Variants in ANKRD30BL observed in about 807,000 individuals in gnomAD.
The protein encoded by ANKRD30BL is ankyrin repeat domain 30B like, also known as putative ankyrin repeat domain-containing protein 30B-like.
A neutral mutation model predicts 18.4 loss-of-function variants in ANKRD30BL; 20 were observed. The observed-to-expected ratio is 1.09, with a 90% CI of 0.77 to 1.58. The LOEUF (loss-of-function observed/expected upper bound fraction) is 1.58. ANKRD30BL is among the 40% of genes most tolerant of loss of function. The pLI is 0.00. For synonymous variants in ANKRD30BL, 72 were observed against 100.9 expected, an observed-to-expected ratio of 0.71 and a Z score of 1.72; for missense variants, 224 against 268.6, an observed-to-expected ratio of 0.83 and a Z score of 1.16.
At chr2:132,237,094 G>C (rs886231371) in intron 1 of ANKRD30BL, among the ~76,000 whole-genome samples, 1 of 151,752 alleles carries the variant, frequency 6.6e-6, no homozygotes, top group Non-Finnish European at 1.5e-5. Context: ...ATGGACACAG[G>C]AAGGGGAACA....
intron 1 of ANKRD30BL, among the ~76,000 whole-genome samples, chr2:132,172,822 C>T (rs914817824): frequency 6.6e-6 from 1 of 152,008 alleles, no homozygotes; most frequent in African/African-American, 2.4e-5. Context: ...ATTCTTTTGC[C>T]TCAGCCTCCC....
chr2:132,166,036 T>C (rs1168063744), upstream of ANKRD30BL, among the ~76,000 whole-genome samples: 2 of 152,160 alleles, frequency 1.3e-5, no homozygotes, highest in African/African-American at 4.8e-5. Flanking sequence ...AGATGGGTGA[T>C]AGATTTTGCC....
intron 1 of ANKRD30BL, among the ~76,000 whole-genome samples, chr2:132,234,954 C>A (rs1346456370): frequency 4.6e-5 from 7 of 152,082 alleles, no homozygotes; most frequent in Non-Finnish European, 7.3e-5. Context: ...ACTGGCAAAA[C>A]GAATCCAGCA....
intron 1 of ANKRD30BL, among the ~76,000 whole-genome samples, chr2:132,221,639 A>G (rs1451479917): frequency 1.9e-4 from 16 of 86,312 alleles, no homozygotes; most frequent in East Asian, 7.8e-4. Context: ...TCCGGGAGGG[A>G]GGTGGGGGGT....
intron 1 of ANKRD30BL, among the ~76,000 whole-genome samples, chr2:132,175,474 G>C (rs1688351083): frequency 1.3e-5 from 2 of 152,250 alleles, no homozygotes; most frequent in South Asian, 4.1e-4. Flanking sequence ...TTGAACAAAT[G>C]TAAAATCGGG....
intron 1 of ANKRD30BL, among the ~76,000 whole-genome samples, chr2:132,182,992 T>C (rs201683388): frequency 1.3e-5 from 2 of 152,134 alleles, no homozygotes; most frequent in South Asian, 4.1e-4. Context: ...GAAAAATATA[T>C]ATAAAATAAA....
chr2:132,167,829 C>A (rs1688215444), intron 1 of ANKRD30BL, among the ~76,000 whole-genome samples: 1 of 152,156 alleles, frequency 6.6e-6, no homozygotes, highest in Admixed American at 6.5e-5. Context: ...TTACTTCACA[C>A]GTAGTGTAGG....
intron 1 of ANKRD30BL, among the ~76,000 whole-genome samples, chr2:132,193,353 G>A (rs1251871594): frequency 6.6e-6 from 1 of 151,196 alleles, no homozygotes; most frequent in Non-Finnish European, 1.5e-5. Flanking sequence ...CAAGTCTTTT[G>A]ACCTTGAATG....
At chr2:132,202,539 A>G (rs1347366866) in intron 1 of ANKRD30BL, among the ~76,000 whole-genome samples, 1 of 151,956 alleles carries the variant, frequency 6.6e-6, no homozygotes, top group East Asian at 1.9e-4. Flanking sequence ...TCCAATTCAA[A>G]TTTCACTTAC....
intron 1 of ANKRD30BL, among the ~76,000 whole-genome samples, chr2:132,234,401 G>C (rs1193396652): frequency 6.6e-6 from 1 of 151,902 alleles, no homozygotes; most frequent in African/African-American, 2.4e-5. Flanking sequence ...TCCAGGAGCT[G>C]GTTTTTTGAA....
At chr2:132,219,417 C>A (rs1186799882) in intron 1 of ANKRD30BL, among the ~76,000 whole-genome samples, 1 of 151,876 alleles carries the variant, frequency 6.6e-6, no homozygotes, top group Non-Finnish European at 1.5e-5. Context: ...GTTTGAAACA[C>A]TCTTTTTGTA....
chr2:132,198,101 C>G lies in ANKRD30BL; in HGVS notation n.442-40955G>C, dbSNP rs1188775032. Among the ~76,000 whole-genome samples the G allele has an allele frequency of 3.9e-5, 6 of 151,990 alleles. No individual in the cohort carries two copies. The South Asian group carries it at 1.2e-3, about 32-fold the overall frequency. ...CAGCTCTTTCCTATACTAATGTAGT[C>G]ATTTCTGCATACACTGAGGGTGTCT... On this transcript the variant is annotated intron_variant and non_coding_transcript_variant, in intron 1 of 4. Coordinates refer to the ANKRD30BL transcript ENST00000470729.
chr2:132,176,402 C>A (rs919729592), intron 1 of ANKRD30BL, among the ~76,000 whole-genome samples: 1 of 152,048 alleles, frequency 6.6e-6, no homozygotes, highest in African/African-American at 2.4e-5. Context: ...GTGGCACATG[C>A]CTGTAATCTC....
At chr2:132,149,906 A>G (rs1446312323) in intron 5 of ANKRD30BL, among the ~76,000 whole-genome samples, 1 of 152,136 alleles carries the variant, frequency 6.6e-6, no homozygotes, top group African/African-American at 2.4e-5. Context: ...AGCTCACTTT[A>G]TTCTAAGAAT....
intron 1 of ANKRD30BL, among the ~76,000 whole-genome samples, chr2:132,183,664 G>T (rs1225781254): frequency 6.6e-6 from 1 of 151,796 alleles, no homozygotes; most frequent in Non-Finnish European, 1.5e-5. Flanking sequence ...GATAGTGGTG[G>T]CAATATATGC....
intron 1 of ANKRD30BL, among the ~76,000 whole-genome samples, chr2:132,221,468 G>T (rs1423671303): frequency 7.7e-6 from 1 of 129,928 alleles, no homozygotes; most frequent in Non-Finnish European, 1.6e-5. Flanking sequence ...GAGGTGAGGG[G>T]CGCCTCTGCC....
At position 132,234,341 on chromosome 2, in the gene ANKRD30BL, C is replaced by G. The variant is rs566608301; in HGVS notation, n.441+23188G>C. Among the ~76,000 whole-genome samples, 657 of 151,924 alleles carry G rather than the reference C, an allele frequency of 4.3e-3. 6 individuals are homozygous for G. Among genetic ancestry groups the G allele is most frequent in the African/African-American group, 0.014 (600 of 41,446 alleles). On this transcript the variant is annotated intron_variant and non_coding_transcript_variant, in intron 1 of 4. Coordinates refer to the ANKRD30BL transcript ENST00000470729. ...AGGCAAGAAATAACTAAAATCAGAGCAGAACTGAAGGAAATAGAGACACAA... is the reference window on the plus strand; with the variant it reads ...AGGCAAGAAATAACTAAAATCAGAGGAGAACTGAAGGAAATAGAGACACAA...
rs756229838 is a variant in ANKRD30BL at position 132,161,740 on chromosome 2, C to G, written c.-35G>C. 42 of 1,038,628 alleles carry G rather than the reference C, an allele frequency of 4.0e-5. No individual in the cohort carries two copies. The South Asian group carries it at 5.5e-4, about 14-fold the overall frequency. 64.3% of individuals were successfully genotyped at this position (1,038,628 alleles called of 1,614,324 possible). On this transcript the variant is annotated 5_prime_UTR_variant, in exon 1 of 6. Transcript: ENST00000409867. ...CACCTGCTAGAGAGAGCCCGTGCCTCCCGCTGCTCGCCCTTCCCCAGTCCC... is the reference window on the plus strand; with the variant it reads ...CACCTGCTAGAGAGAGCCCGTGCCTGCCGCTGCTCGCCCTTCCCCAGTCCC...
At chr2:132,174,024 A>G (rs1455420403) in intron 1 of ANKRD30BL, among the ~76,000 whole-genome samples, 4 of 152,150 alleles carry the variant, frequency 2.6e-5, no homozygotes, top group Admixed American at 2.6e-4. Flanking sequence ...GAGAATGTAA[A>G]CCCGTGCTTT....
Sources: gnomAD v4.1 joint callset for allele counts (sites outside exome capture counted in the v4.1 genomes callset) on GRCh38, gnomAD v4.1.1 for gene constraint, MANE v1.5 for transcripts, NCBI Gene and HGNC (gene_info 2026-07-23, HGNC 2026-07-21) for gene names.